The following GPAM variants were observed in gnomAD, a reference collection of about 807,000 sequenced individuals.
GPAM encodes the protein glycerol-3-phosphate acyltransferase, mitochondrial.
GPAM carries 56 observed loss-of-function variants against 105.0 expected under a neutral mutation model. The observed-to-expected ratio is 0.53, with a 90% CI of 0.43 to 0.67. The LOEUF is 0.67. Ranked by LOEUF, GPAM falls within the 30% of genes least tolerant of loss-of-function variation. GPAM has a pLI of 0.00. For synonymous variants in GPAM, 368 were observed against 354.4 expected, an observed-to-expected ratio of 1.04 and a Z score of -0.43; for missense variants, 855 against 989.8, an observed-to-expected ratio of 0.86 and a Z score of 1.83.
intron 1 of GPAM, among the ~76,000 whole-genome samples, chr10:112,202,239 A>G (rs1055509735): frequency 3.3e-5 from 5 of 152,270 alleles, no homozygotes; most frequent in Non-Finnish European, 5.9e-5. Flanking sequence ...TAGACAGTAT[A>G]TAAGAAAATC....
chr10:112,211,480 C>A (rs1033700623), intron 1 of GPAM, among the ~76,000 whole-genome samples: 1 of 152,260 alleles, frequency 6.6e-6, no homozygotes, highest in South Asian at 2.1e-4. Flanking sequence ...CTGGTCGAGG[C>A]GGGCTATTAA....
rs777194239 is a variant in GPAM at position 112,172,962 on chromosome 10, A to C, written c.657+8T>G. ...AAAATGGGGTAATAGATTCACAGAA[A>C]TTCTTGCCTCAGTTGCAGCTTTAAC... On this transcript the variant is annotated splice_region_variant and intron_variant, in intron 8 of 21. Coordinates refer to ENST00000348367, the MANE Select transcript of GPAM (RefSeq NM_001244949.2). 6.9e-7 allele frequency: 1 copy of C among 1,453,058 alleles called. No individual in the cohort carries two copies. The highest frequency in any genetic ancestry group is 2.3e-5 in the East Asian group (1 of 44,116). 90.0% of individuals were successfully genotyped at this position (1,453,058 alleles called of 1,614,324 possible).
In GPAM at chr10:112,181,823, A is replaced by C; in HGVS notation, c.-29-10T>G. 1 of 1,094,190 alleles carries C rather than the reference A, an allele frequency of 9.1e-7. No homozygotes were observed. Among genetic ancestry groups the C allele is most frequent in the Non-Finnish European group, 1.4e-6 (1 of 706,222 alleles). 67.8% of individuals were successfully genotyped at this position (1,094,190 alleles called of 1,614,324 possible). ...ATTCCCAAATCATGTGCTATAAAAA[A>C]TAGGTACCATTTAAATTAACAAGGA... On this transcript the variant is annotated splice_polypyrimidine_tract_variant and intron_variant, in intron 2 of 21. Coordinates refer to ENST00000348367, the MANE Select transcript of GPAM (RefSeq NM_001244949.2).
At chr10:112,188,540 A>G (rs747463516), upstream of GPAM, among the ~76,000 whole-genome samples, 2 of 152,114 alleles carry the variant, frequency 1.3e-5, no homozygotes, top group Non-Finnish European at 2.9e-5. Context: ...TTCCCTCTCT[A>G]TGATTTTGTT....
the GPAM span, among the ~76,000 whole-genome samples, chr10:112,224,565 A>G: frequency 2.0e-5 from 3 of 152,190 alleles, no homozygotes; most frequent in East Asian, 5.8e-4. Context: ...AGCAAAGCCC[A>G]TCATAACTGG....
chr10:112,172,176 T>A lies in GPAM; in HGVS notation c.794+6A>T. 2 of 1,598,502 alleles carry A rather than the reference T, an allele frequency of 1.3e-6. No individual in the cohort carries two copies. The highest frequency in any genetic ancestry group is 1.7e-6 in the Non-Finnish European group (2 of 1,165,858). On this transcript the variant is annotated splice_donor_region_variant and intron_variant, in intron 9 of 21. Coordinates refer to ENST00000348367, the MANE Select transcript of GPAM (RefSeq NM_001244949.2). Reference sequence around the variant, plus strand: ...TTCCTTAAATTCCAAAATAAGCTCATCTTACCTGAAGATTGGGATGTTGAG... The same window carrying A: ...TTCCTTAAATTCCAAAATAAGCTCAACTTACCTGAAGATTGGGATGTTGAG...
At chr10:112,155,220 A>G (rs1272481856) in intron 20 of GPAM, 1 of 172,508 alleles carries the variant, frequency 5.8e-6, no homozygotes, top group African/African-American at 2.4e-5. Context: ...TTGGCTCTAA[A>G]AAGTGATTCA....
chr10:112,204,450 G>C lies in GPAM; in HGVS notation n.210+10718C>G, dbSNP rs115593520. ...GGAAGAAGAGTAGGTTGTAAAGATA[G>C]AGCAACACTGGCAAAGCTAATGATT... On this transcript the variant is annotated intron_variant and non_coding_transcript_variant, in intron 1 of 3. Coordinates refer to the GPAM transcript ENST00000480130. 6.0e-3 allele frequency among the ~76,000 whole-genome samples: 911 copies of C among 151,776 alleles called. 8 individuals are homozygous for C. The highest frequency in any genetic ancestry group is 0.021 in the African/African-American group (866 of 41,444).
rs1254348705 is a variant in GPAM, at chr10:112,166,333, G to T, written c.1221+69C>A. 5 of 828,460 alleles carry T rather than the reference G, an allele frequency of 6.0e-6. No individual in the cohort carries two copies. In the African/African-American group the frequency reaches 8.3e-5, roughly 14 times the overall value. The allele number at this position is 828,460 out of a possible 1,614,324, so 51.3% of individuals were successfully genotyped here. On this transcript the variant is annotated intron_variant, in intron 12 of 21. Transcript: ENST00000348367. ...AAGTCACACAGAGAGGTGCTGTTAA[G>T]AGTCAGCACTGGAGCCTCCTGACTC...
intron 7 of GPAM, 86 bp downstream of exon 7, chr10:112,173,613 T>C: frequency 8.2e-7 from 1 of 1,214,358 alleles, no homozygotes; most frequent in Non-Finnish European, 1.2e-6. Context: ...CAAAGAGAAC[T>C]GTGCTAGGAA....
chr10:112,216,563 G>A (rs184521579), upstream of GPAM, among the ~76,000 whole-genome samples: 244 of 152,136 alleles, frequency 1.6e-3, no homozygotes, highest in Non-Finnish European at 2.9e-3. Context: ...GCTCCTACTG[G>A]GGAAAGGAGA....
At chr10:112,181,196 A>C (rs941161488) in intron 3 of GPAM, among the ~76,000 whole-genome samples, 21 of 151,538 alleles carry the variant, frequency 1.4e-4, no homozygotes, top group African/African-American at 4.6e-4. Context: ...AAAAAAAAAA[A>C]CCCCACCATT....
In GPAM at chr10:112,160,891, T is replaced by C. The variant is rs758032759; in HGVS notation, c.1495-23A>G. On this transcript the variant is annotated intron_variant, in intron 15 of 21. Transcript: ENST00000348367. ...TCCCTAAAGAAAGATGGAAACGGTA[T>C]CATGATGGTGGAAAACCTACTTTCC... 3.7e-6 allele frequency: 6 copies of C among 1,607,586 alleles called. No homozygotes were observed. In the East Asian group the frequency reaches 8.9e-5, roughly 24 times the overall value.
chr10:112,206,759 T>G (rs1158270111), intron 1 of GPAM, among the ~76,000 whole-genome samples: 3 of 150,862 alleles, frequency 2.0e-5, no homozygotes, highest in Non-Finnish European at 4.4e-5. Context: ...GCATGGCACA[T>G]GTATACATAT....
chr10:112,153,906 TTAAC>T, intron 21 of GPAM: 1 of 440,790 alleles, frequency 2.3e-6, no homozygotes, highest in Non-Finnish European at 4.1e-6. Context: ...TCAACCAACA[TTAAC>T]TATATTCTAA....
chr10:112,209,916 G>C (rs1466190096), intron 1 of GPAM, among the ~76,000 whole-genome samples: 1 of 152,212 alleles, frequency 6.6e-6, no homozygotes, highest in African/African-American at 2.4e-5. Context: ...CAGCCCCACA[G>C]GGCATGGGTA....
chr10:112,170,276 T>C (rs955146849), intron 9 of GPAM, among the ~76,000 whole-genome samples: 3 of 152,096 alleles, frequency 2.0e-5, no homozygotes, highest in Non-Finnish European at 4.4e-5. Flanking sequence ...CTCTGCAGAA[T>C]AAAATGAATG....
chr10:112,150,657 G>A lies in GPAM; in HGVS notation c.*2893C>T, dbSNP rs1417346640. On this transcript the variant is annotated 3_prime_UTR_variant, in exon 22 of 22. Transcript: ENST00000348367. ...AGAAAAAGGTCCTGGTGTCAAAATA[G>A]TTTGGGCAATGCTGGGTTAGACAGT... is the stretch of plus-strand genomic sequence containing the variant. The A allele has an allele frequency of 2.2e-6, 2 of 905,140 alleles. No homozygotes were observed. The highest frequency in any genetic ancestry group is 2.4e-4 in the East Asian group (2 of 8,468). 56.1% of individuals were successfully genotyped at this position (905,140 alleles called of 1,614,324 possible).
upstream of GPAM, among the ~76,000 whole-genome samples, chr10:112,187,399 G>T (rs1056476093): frequency 2.6e-5 from 4 of 152,024 alleles, no homozygotes; most frequent in East Asian, 3.8e-4. Flanking sequence ...CTAATCAAAA[G>T]AAATATAGGT....
Sources: gnomAD v4.1 joint callset for allele counts (sites outside exome capture counted in the v4.1 genomes callset) on GRCh38, gnomAD v4.1.1 for gene constraint, MANE v1.5 for transcripts, NCBI Gene and HGNC (gene_info 2026-07-23, HGNC 2026-07-21) for gene names.